Variants in TEAD3 observed in about 807,000 individuals in gnomAD.
TEAD3 encodes the protein transcriptional enhancer factor TEF-5.
Under a neutral mutation model 55.6 loss-of-function variants are expected in TEAD3, and 15 were observed. The observed-to-expected ratio is 0.27, with a 90% confidence interval of 0.18 to 0.42. TEAD3 has a LOEUF of 0.42. Ranked by LOEUF, TEAD3 falls within the 10% of genes least tolerant of loss-of-function variation. The probability of loss-of-function intolerance (pLI) is 1.00; values close to 1 mark genes in which losing one functional copy is unlikely to be tolerated. For synonymous variants in TEAD3, 210 were observed against 232.2 expected, an observed-to-expected ratio of 0.90 and a Z score of 0.87; for missense variants, 407 against 576.8, an observed-to-expected ratio of 0.71 and a Z score of 3.01.
In TEAD3 at chr6:35,485,019, T is replaced by G. The variant is rs997386146; in HGVS notation, c.203-395A>C. On this transcript the variant is annotated intron_variant, in intron 2 of 12. Transcript: ENST00000639578. This position sits in a 1 kb window ranked among gnomAD's most constrained non-coding sequence, Gnocchi z 4.3. The stretch of plus-strand genomic sequence containing the variant: ...CGCCCATCCTCCCAGCCCCCAGCAG[T>G]GCTTCCTGCCTGTGTCACCAGCTCC... Among the ~76,000 whole-genome samples the G allele has an allele frequency of 6.6e-6, 1 of 152,198 alleles. No homozygotes were observed. Among genetic ancestry groups the G allele is most frequent in the African/African-American group, 2.4e-5 (1 of 41,444 alleles).
At position 35,486,813 on chromosome 6, in the gene TEAD3, G is replaced by T; in HGVS notation, c.-49-102C>A. The T allele has an allele frequency of 2.5e-6, 2 of 787,316 alleles. No homozygotes were observed. Among genetic ancestry groups the T allele is most frequent in the Non-Finnish European group, 4.0e-6 (2 of 505,092 alleles). 48.8% of individuals were successfully genotyped at this position (787,316 alleles called of 1,614,324 possible). The stretch of plus-strand genomic sequence containing the variant: ...TCTGGAGCTCCGCCCCCAGCCCCAA[G>T]CCCACCCTAGGAGCAGGTGCTCCAG... On this transcript the variant is annotated intron_variant, in intron 1 of 12. Coordinates refer to ENST00000639578, the Ensembl canonical transcript of TEAD3. This position sits in a 1 kb window ranked among gnomAD's most constrained non-coding sequence, Gnocchi z 7.3.
exon 1 of TEAD3, chr6:35,497,030 GGA>G (rs1012940369): frequency 2.6e-5 from 4 of 151,778 alleles, no homozygotes; most frequent in Non-Finnish European, 5.9e-5. Flanking sequence ...GGCTGGAGCG[GGA>G]GGCGCCGAGC....
chr6:35,492,352 C>A (rs530827789), intron 1 of TEAD3, among the ~76,000 whole-genome samples: 1 of 152,038 alleles, frequency 6.6e-6, no homozygotes, highest in Non-Finnish European at 1.5e-5. Flanking sequence ...CGCCCCACAG[C>A]GGGCCAGCTG....
At position 35,486,676 on chromosome 6, in the gene TEAD3, CT is replaced by C; in HGVS notation, c.-15del. The C allele has an allele frequency of 6.2e-7, 1 of 1,609,734 alleles. No homozygotes were observed. Among genetic ancestry groups the C allele is most frequent in the South Asian group, 1.1e-5 (1 of 90,996 alleles). On this transcript the variant is annotated 5_prime_UTR_variant, in exon 2 of 13. Coordinates refer to ENST00000639578, the Ensembl canonical transcript of TEAD3. The surrounding 1 kb of genome is among the most constrained non-coding windows in gnomAD (Gnocchi z 7.3). The stretch of plus-strand genomic sequence containing the variant: ...GTTGGACGCTATTGTGCTGGTTGCT[CT>C]GGGCTCTGGGCCTGAGCCCACTGGG...
Position 35,480,380 on chromosome 6 carries a change from G to C in TEAD3, c.268-258C>G, listed in dbSNP as rs762630495. Reference sequence around the variant, plus strand: ...ACCTGTATGTGGCTGGACACCTAGGGGCCGCCCCGCGCCCCGCCAGAGAGG... The same window carrying C: ...ACCTGTATGTGGCTGGACACCTAGGCGCCGCCCCGCGCCCCGCCAGAGAGG... On this transcript the variant is annotated intron_variant, in intron 3 of 12. Coordinates refer to ENST00000639578, the Ensembl canonical transcript of TEAD3. 6 of 1,613,806 alleles carry C rather than the reference G, an allele frequency of 3.7e-6. No individual in the cohort carries two copies. The highest frequency in any genetic ancestry group is 1.7e-4 in the Middle Eastern group (1 of 6,060).
rs1362026213 is a variant in TEAD3, at chr6:35,496,144, G to T, written c.-50+754C>A. On this transcript the variant is annotated intron_variant, in intron 1 of 12. Transcript: ENST00000639578. The surrounding 1 kb of genome is among the most constrained non-coding windows in gnomAD (Gnocchi z 4.8). ...AATGGTGGGGACCGGGGTAGGAAGC[G>T]GGAGACCAGCCACCCTCAAACCTTG... 6.6e-6 allele frequency among the ~76,000 whole-genome samples: 1 copy of T among 151,980 alleles called. No individual in the cohort carries two copies. Among genetic ancestry groups the T allele is most frequent in the Non-Finnish European group, 1.5e-5 (1 of 67,980 alleles).
At chr6:35,479,393 C>T in intron 4 of TEAD3, 77 bp from the exon 5 acceptor site, 1 of 1,569,276 alleles carries the variant, frequency 6.4e-7, no homozygotes, top group Non-Finnish European at 8.8e-7. Context: ...GTCTTTGCGC[C>T]TACCTCCACC....
At chr6:35,492,554 A>G (rs1768548431) in intron 1 of TEAD3, among the ~76,000 whole-genome samples, 1 of 152,084 alleles carries the variant, frequency 6.6e-6, no homozygotes. Flanking sequence ...TACAGGAGGA[A>G]GCAATTTGCA....
At position 35,496,765 on chromosome 6, in the gene TEAD3, G is replaced by A. The variant is rs1057391284; in HGVS notation, c.-50+133C>T. The A allele has an allele frequency of 2.0e-5, 3 of 152,344 alleles. No individual in the cohort carries two copies. The highest frequency in any genetic ancestry group is 4.4e-5 in the Non-Finnish European group (3 of 68,156). 9.4% of individuals were successfully genotyped at this position (152,344 alleles called of 1,614,324 possible). Reference sequence around the variant, plus strand: ...TCTAAACTTCCCGGCACCCCGATCCGGGGCTCCAGCTCCGGCTGGACAATA... The same window carrying A: ...TCTAAACTTCCCGGCACCCCGATCCAGGGCTCCAGCTCCGGCTGGACAATA... On this transcript the variant is annotated intron_variant, in intron 1 of 12. Coordinates refer to ENST00000639578, the Ensembl canonical transcript of TEAD3. This position sits in a 1 kb window ranked among gnomAD's most constrained non-coding sequence, Gnocchi z 4.8.
chr6:35,490,870 G>T (rs554027833), intron 1 of TEAD3, among the ~76,000 whole-genome samples: 2 of 152,190 alleles, frequency 1.3e-5, no homozygotes, highest in African/African-American at 4.8e-5. Flanking sequence ...GACTGCGGGC[G>T]AGAGGGCAAG....
chr6:35,494,103 C>A (rs138027205), intron 1 of TEAD3, among the ~76,000 whole-genome samples: 275 of 152,326 alleles, frequency 1.8e-3, no homozygotes, highest in African/African-American at 6.3e-3. Flanking sequence ...GTTGCTCTGA[C>A]CAAGGTTCTC....
At chr6:35,495,906 A>T (rs577004148) in intron 1 of TEAD3, among the ~76,000 whole-genome samples, 2 of 152,346 alleles carry the variant, frequency 1.3e-5, no homozygotes, top group South Asian at 4.1e-4. Context: ...GGGAAGACAC[A>T]GAAGAAGACA....
chr6:35,486,360 G>T lies in TEAD3; in HGVS notation c.202+101C>A. ...CAGGCTTGCGCGCCCAGACTCGCCC[G>T]GCCAGCGGCTGGCGGCCTCCGACGT... On this transcript the variant is annotated intron_variant, in intron 2 of 12. Transcript: ENST00000639578. The surrounding 1 kb of genome is among the most constrained non-coding windows in gnomAD (Gnocchi z 7.3). 1 of 1,388,604 alleles carries T rather than the reference G, an allele frequency of 7.2e-7. No individual in the cohort carries two copies. The highest frequency in any genetic ancestry group is 1.4e-5 in the African/African-American group (1 of 69,396). 86.0% of individuals were successfully genotyped at this position (1,388,604 alleles called of 1,614,324 possible).
rs1441440800 is a variant in TEAD3, at chr6:35,486,302, A to T, written c.202+159T>A. On this transcript the variant is annotated intron_variant, in intron 2 of 12. Coordinates refer to ENST00000639578, the Ensembl canonical transcript of TEAD3. The surrounding 1 kb of genome is among the most constrained non-coding windows in gnomAD (Gnocchi z 7.3). Reference sequence around the variant, plus strand: ...GTTAGGGGGCGAGCCCGGCTTGTTTATGAGGAGGAGCGCGGAGGAGGATCC... The same window carrying T: ...GTTAGGGGGCGAGCCCGGCTTGTTTTTGAGGAGGAGCGCGGAGGAGGATCC... Among the ~76,000 whole-genome samples the T allele has an allele frequency of 6.6e-6, 1 of 152,158 alleles. No homozygotes were observed. Among genetic ancestry groups the T allele is most frequent in the Non-Finnish European group, 1.5e-5 (1 of 68,034 alleles).
intron 1 of TEAD3, among the ~76,000 whole-genome samples, chr6:35,493,626 C>G (rs1428154440): frequency 6.6e-6 from 1 of 152,234 alleles, no homozygotes; most frequent in Non-Finnish European, 1.5e-5. Context: ...TGTTGTTTTA[C>G]TCGCATGTAG....
chr6:35,477,322 G>C, exon 8 of TEAD3: 1 of 1,607,106 alleles, frequency 6.2e-7, no homozygotes, highest in East Asian at 2.2e-5. Context: ...GCTGAGCGTC[G>C]GCGGCAGGGG....
Position 35,488,198 on chromosome 6 carries a change from C to T in TEAD3, c.-49-1487G>A, listed in dbSNP as rs115165190. 6.2e-4 allele frequency among the ~76,000 whole-genome samples: 95 copies of T among 152,290 alleles called. No homozygotes were observed. The highest frequency in any genetic ancestry group is 2.2e-3 in the African/African-American group (91 of 41,570). On this transcript the variant is annotated intron_variant, in intron 1 of 12. Coordinates refer to ENST00000639578, the Ensembl canonical transcript of TEAD3. This position sits in a 1 kb window ranked among gnomAD's most constrained non-coding sequence, Gnocchi z 4.2. ...GCCAACAGCCTGGCTCAACCTCACC[C>T]GCTCCTCTATCCCACTTCCTGTTCC...
At chr6:35,487,630 C>G (rs182852711) in intron 1 of TEAD3, among the ~76,000 whole-genome samples, 1 of 149,834 alleles carries the variant, frequency 6.7e-6, no homozygotes, top group Non-Finnish European at 1.5e-5. Flanking sequence ...GGCTGAGGCA[C>G]GAAGATCACT....
intron 1 of TEAD3, among the ~76,000 whole-genome samples, chr6:35,492,767 C>T (rs1402962607): frequency 6.6e-6 from 1 of 152,172 alleles, no homozygotes; most frequent in Non-Finnish European, 1.5e-5. Context: ...TCTGTTGTCA[C>T]GCTCCTGCTC....
Sources: gnomAD v4.1 joint callset for allele counts (sites outside exome capture counted in the v4.1 genomes callset) on GRCh38, gnomAD v4.1.1 for gene constraint, Gnocchi (gnomAD v3.1) non-coding constraint, MANE v1.5 for transcripts, NCBI Gene and HGNC (gene_info 2026-07-23, HGNC 2026-07-21) for gene names.